Variants in SLC22A6 observed in about 807,000 individuals in gnomAD.
SLC22A6 encodes solute carrier family 22 member 6.
In SLC22A6, 45 loss-of-function variants were observed where a neutral mutation model predicts 56.7. The observed-to-expected ratio is 0.79, with a 90% CI of 0.63 to 1.02. The LOEUF is 1.02. Ranked by LOEUF, SLC22A6 falls within the 50% of genes least tolerant of loss-of-function variation. SLC22A6 has a pLI of 0.00. For synonymous variants in SLC22A6, 291 were observed against 295.9 expected (o/e 0.98, Z 0.17); for missense variants, 606 against 713.8 (o/e 0.85, Z 1.72).
Position 62,984,632 on chromosome 11 carries a change from T to C in SLC22A6, c.59A>G (p.Gln20Arg). The change falls in exon 1 of 10, where the codon CAG becomes CGG. Residue 20 changes from glutamine (Q) to arginine (R), a missense_variant. Physicochemically the swap from Gln to Arg is conservative, Grantham distance 43. Coordinates refer to ENST00000360421, the MANE Select transcript of SLC22A6 (RefSeq NM_153276.3). ...VGGVGRFQQI[Q>R]VTLVVLPLLL... ...CAGGGGGAGGACCACCAGGGTGACC[T>C]GGATCTGCTGGAAGCGGCCGACACC... 6.2e-7 allele frequency: 1 copy of C among 1,613,756 alleles called. No individual in the cohort carries two copies. The highest frequency in any genetic ancestry group is 1.3e-5 in the African/African-American group (1 of 75,030).
chr11:62,983,513 A>T lies in SLC22A6; in HGVS notation c.628+24T>A. ...TTGCTGGGCTGGGTGGCCGGAGGGG[A>T]GTGGGCTGGTAAGAATCTCTCACTC... On this transcript the variant is annotated intron_variant, in intron 3 of 9. Transcript: ENST00000360421. This position sits in a 1 kb window ranked among gnomAD's most constrained non-coding sequence, Gnocchi z 4.5. The T allele has an allele frequency of 6.4e-7, 1 of 1,551,058 alleles. No homozygotes were observed.
chr11:62,983,487 G>A lies in SLC22A6; in HGVS notation c.628+50C>T. 1 of 1,545,478 alleles carries A rather than the reference G, an allele frequency of 6.5e-7. No homozygotes were observed. Among genetic ancestry groups the A allele is most frequent in the Non-Finnish European group, 8.7e-7 (1 of 1,144,150 alleles). On this transcript the variant is annotated intron_variant, in intron 3 of 9. Coordinates refer to ENST00000360421, the MANE Select transcript of SLC22A6 (RefSeq NM_153276.3). The surrounding 1 kb of genome is among the most constrained non-coding windows in gnomAD (Gnocchi z 4.5). ...GGCTGGGAGGGGAGGCTGGAAAGGG[G>A]TTGCTGGGCTGGGTGGCCGGAGGGG...
intron 8 of SLC22A6, among the ~76,000 whole-genome samples, 179 bp from the exon 9 acceptor site, chr11:62,977,566 G>T (rs190731076): frequency 1.5e-4 from 23 of 152,252 alleles, no homozygotes; most frequent in Admixed American, 1.3e-3. Flanking sequence ...TAGAGATAGG[G>T]TCTCTGTGTT....
rs547065808 is a variant in SLC22A6 at position 62,983,895 on chromosome 11, G to T, written c.473+49C>A. The T allele has an allele frequency of 1.1e-4, 160 of 1,409,058 alleles. No individual in the cohort carries two copies. Among genetic ancestry groups the T allele is most frequent in the Admixed American group, 3.4e-4 (18 of 53,324 alleles). 87.3% of individuals were successfully genotyped at this position (1,409,058 alleles called of 1,614,324 possible). On this transcript the variant is annotated intron_variant, in intron 2 of 9. Coordinates refer to ENST00000360421, the MANE Select transcript of SLC22A6 (RefSeq NM_153276.3). The surrounding 1 kb of genome is among the most constrained non-coding windows in gnomAD (Gnocchi z 4.5). The stretch of plus-strand genomic sequence containing the variant: ...ACCTAGACACCCTGAGCCCAGCTGA[G>T]CCCCTAATCCCAGCCCAGCCCAGCC...
chr11:62,977,110 T>A, intron 9 of SLC22A6, 74 bp downstream of exon 9: 2 of 1,609,924 alleles, frequency 1.2e-6, no homozygotes, highest in Non-Finnish European at 1.7e-6. Flanking sequence ...AGCCTGGGCT[T>A]GAGTCTCAAT....
At position 62,981,962 on chromosome 11, in the gene SLC22A6, A is replaced by T. The variant is rs11568623; in HGVS notation, c.677T>A (p.Ile226Asn). The change falls in exon 4 of 10, where the codon ATT (isoleucine) becomes AAT (asparagine). Residue 226 changes from isoleucine to asparagine, a missense_variant. Ile to Asn is a moderately radical substitution (Grantham distance 149). Coordinates refer to ENST00000360421, the MANE Select transcript of SLC22A6 (RefSeq NM_153276.3). ...CTGGCCCAGGCTGTAGACATAGCCA[A>T]TCAAGGTGCCCACGCAGGCCCGTGT... is the stretch of plus-strand genomic sequence containing the variant. ...IHTRACVGTL[I>N]GYVYSLGQFL... The T allele has an allele frequency of 6.2e-7, 1 of 1,614,188 alleles. No homozygotes were observed. Among genetic ancestry groups the T allele is most frequent in the African/African-American group, 1.3e-5 (1 of 75,068 alleles).
At chr11:62,982,136 G>A (rs1327446082) in intron 3 of SLC22A6, 126 bp from the exon 4 acceptor site, 5 of 884,884 alleles carry the variant, frequency 5.7e-6, no homozygotes, top group East Asian at 5.6e-5. Flanking sequence ...TAAGTTGAGT[G>A]CCAGGGTGAT....
intron 4 of SLC22A6, 77 bp from the exon 5 acceptor site, chr11:62,981,460 T>C: frequency 3.6e-6 from 3 of 830,068 alleles, no homozygotes; most frequent in Non-Finnish European, 5.6e-6. Flanking sequence ...GGCTGGGCTT[T>C]CTAGGGGTCT....
Position 62,977,385 on chromosome 11 carries a change from T to C in SLC22A6, c.1364A>G (p.Gln455Arg). ...TGELYPTMIR[Q>R]TGMGMGSTMA... ...GGTGCTGCCCATTCCCATGCCTGTCTGCCTGCAGGGCCCGCAGCAGATGGG... is the reference window on the plus strand; with the variant it reads ...GGTGCTGCCCATTCCCATGCCTGTCCGCCTGCAGGGCCCGCAGCAGATGGG... Residue 455 changes from glutamine (Q) to arginine (R), a missense_variant and splice_region_variant, in exon 9 of 10, where the codon CAG becomes CGG. Coordinates refer to ENST00000360421, the MANE Select transcript of SLC22A6 (RefSeq NM_153276.3). 6.2e-7 allele frequency: 1 copy of C among 1,608,414 alleles called. No homozygotes were observed. Among genetic ancestry groups the C allele is most frequent in the Non-Finnish European group, 8.5e-7 (1 of 1,179,420 alleles).
chr11:62,981,816 C>CA (rs1170978459), intron 4 of SLC22A6, 26 bp downstream of exon 4: 1 of 1,580,964 alleles, frequency 6.3e-7, no homozygotes, highest in African/African-American at 1.3e-5. Context: ...CTGTGGCAAC[C>CA]ACCTCCAACC....
intron 1 of SLC22A6, 88 bp from the exon 2 acceptor site, chr11:62,984,135 A>C (rs2086288870): frequency 8.4e-7 from 1 of 1,190,284 alleles, no homozygotes; most frequent in South Asian, 1.4e-5. Context: ...TCTGGGGTCC[A>C]TGTCACCCTC....
chr11:62,984,583 G>A lies in SLC22A6; in HGVS notation c.108C>T (p.Thr36=), dbSNP rs1465713511. The change falls in exon 1 of 10, where the codon ACC becomes ACT. Residue 36 remains threonine, a synonymous_variant. Coordinates refer to ENST00000360421, the MANE Select transcript of SLC22A6 (RefSeq NM_153276.3). ...LPLLLMASHN[T]LQNFTAAIPT... is the part of the protein sequence containing the mutation. Reference sequence around the variant, plus strand: ...GGATGGCAGCAGTGAAGTTCTGCAGGGTGTTGTGAGAAGCCATCAGGAGCA... The same window carrying A: ...GGATGGCAGCAGTGAAGTTCTGCAGAGTGTTGTGAGAAGCCATCAGGAGCA... 6.2e-7 allele frequency: 1 copy of A among 1,613,466 alleles called. No individual in the cohort carries two copies. The highest frequency in any genetic ancestry group is 1.3e-5 in the African/African-American group (1 of 74,914).
chr11:62,979,408 G>T (rs2086225982), intron 8 of SLC22A6, 80 bp downstream of exon 8: 6 of 1,000,736 alleles, frequency 6.0e-6, no homozygotes, highest in Non-Finnish European at 6.3e-6. Flanking sequence ...ACTTGATTTA[G>T]CTCTGGGGTC....
In SLC22A6 at chr11:62,984,816, C is replaced by T. The variant is rs2086302598; in HGVS notation, c.-126G>A. ...CCGTTGCCTCCGCAGCTGGGTTGCT[C>T]CGGGAGCTGAGTCCGAGCTGCTCTG... is the stretch of plus-strand genomic sequence containing the variant. On this transcript the variant is annotated 5_prime_UTR_variant, in exon 1 of 10. Coordinates refer to ENST00000360421, the MANE Select transcript of SLC22A6 (RefSeq NM_153276.3). 1 of 1,098,606 alleles carries T rather than the reference C, an allele frequency of 9.1e-7. No homozygotes were observed. Among genetic ancestry groups the T allele is most frequent in the Non-Finnish European group, 1.3e-6 (1 of 786,812 alleles). The allele number at this position is 1,098,606 out of a possible 1,614,324, so 68.1% of individuals were successfully genotyped here.
intron 8 of SLC22A6, among the ~76,000 whole-genome samples, chr11:62,978,958 G>A (rs973917003): frequency 3.9e-5 from 6 of 152,136 alleles, no homozygotes; most frequent in Non-Finnish European, 8.8e-5. Context: ...ACAGGCATGA[G>A]CCACCGTGCC....
At chr11:62,982,352 T>C (rs1451668270) in intron 3 of SLC22A6, among the ~76,000 whole-genome samples, 1 of 152,196 alleles carries the variant, frequency 6.6e-6, no homozygotes, top group Non-Finnish European at 1.5e-5. Context: ...TCCTCAGCTA[T>C]GGGCTGGATT....
At chr11:62,979,440 T>C in intron 8 of SLC22A6, 48 bp downstream of exon 8, 1 of 1,255,630 alleles carries the variant, frequency 8.0e-7, no homozygotes, top group Non-Finnish European at 1.2e-6. Flanking sequence ...CAGAAGAATG[T>C]CTTTCCCCAG....
At position 62,980,308 on chromosome 11, in the gene SLC22A6, T is replaced by TAG. The variant is rs756594113; in HGVS notation, c.1038-362_1038-361dup. Among the ~76,000 whole-genome samples, 7 of 152,060 alleles carry TAG rather than the reference T, an allele frequency of 4.6e-5. No homozygotes were observed. In the East Asian group the frequency reaches 7.7e-4, roughly 17 times the overall value. ...TTCAGGGCCAAGGCAGCTGGGAGAG[T>TAG]AGAGAGAGCCTTCTGGGACCTGTCC... On this transcript the variant is annotated intron_variant, in intron 6 of 9. Transcript: ENST00000360421.
intron 8 of SLC22A6, 45 bp downstream of exon 8, chr11:62,979,443 T>C (rs1265740237): frequency 1.3e-5 from 17 of 1,276,654 alleles, no homozygotes; most frequent in Non-Finnish European, 1.8e-5. Flanking sequence ...AAGAATGTCT[T>C]TCCCCAGGAA....
Sources: gnomAD v4.1 joint callset for allele counts (sites outside exome capture counted in the v4.1 genomes callset) on GRCh38, gnomAD v4.1.1 for gene constraint, Gnocchi (gnomAD v3.1) non-coding constraint, MANE v1.5 for transcripts, NCBI Gene and HGNC (gene_info 2026-07-23, HGNC 2026-07-21) for gene names.